The following ATXN7L1 variants were observed in gnomAD, a reference collection of about 807,000 sequenced individuals.
The protein encoded by ATXN7L1 is ataxin-7-like protein 1.
ATXN7L1 carries 15 observed loss-of-function variants against 70.8 expected under a neutral mutation model. The observed-to-expected ratio is 0.21, with a 90% CI of 0.14 to 0.33. ATXN7L1 has a LOEUF of 0.33. Among genes scored for constraint, ATXN7L1 ranks in the 10% least tolerant of loss-of-function variants. ATXN7L1 has a pLI of 1.00. For synonymous variants in ATXN7L1, 440 were observed against 445.1 expected (o/e 0.99, Z 0.14); for missense variants, 975 against 1,097.1 (o/e 0.89, Z 1.57).
At chr7:105,867,255 C>A (rs951461220) in intron 2 of ATXN7L1, among the ~76,000 whole-genome samples, 1 of 152,164 alleles carries the variant, frequency 6.6e-6, no homozygotes, top group African/African-American at 2.4e-5. Flanking sequence ...CTTTGCTTTC[C>A]GTCATGTGCA....
intron 4 of ATXN7L1, among the ~76,000 whole-genome samples, chr7:105,646,904 A>G (rs1024560622): frequency 6.6e-6 from 1 of 152,086 alleles, no homozygotes; most frequent in Non-Finnish European, 1.5e-5. Flanking sequence ...GGATTGTGCC[A>G]CTGTACTCCA....
intron 3 of ATXN7L1, chr7:105,761,600 C>T (rs773752075): frequency 5.0e-4 from 539 of 1,075,840 alleles, no homozygotes; most frequent in Non-Finnish European, 6.5e-4. Context: ...TTAAATGCGT[C>T]TTCATGATCT....
At chr7:105,762,773 G>A (rs1171970173) in intron 3 of ATXN7L1, among the ~76,000 whole-genome samples, 1 of 152,188 alleles carries the variant, frequency 6.6e-6, no homozygotes, top group Non-Finnish European at 1.5e-5. Flanking sequence ...GATTTCTAAT[G>A]AACAGAATAG....
intron 5 of ATXN7L1, among the ~76,000 whole-genome samples, chr7:105,641,762 C>A (rs1798295252): frequency 6.6e-6 from 1 of 152,264 alleles, no homozygotes; most frequent in African/African-American, 2.4e-5. Flanking sequence ...ACCTTTCTTT[C>A]TTGACAGTGG....
intron 5 of ATXN7L1, among the ~76,000 whole-genome samples, chr7:105,640,028 C>G (rs974622484): frequency 3.6e-4 from 55 of 152,218 alleles, no homozygotes; most frequent in Non-Finnish European, 1.6e-4. Context: ...GACACCCTGA[C>G]TCCAGCTCCT....
chr7:105,727,926 G>A (rs1414722749), intron 3 of ATXN7L1, among the ~76,000 whole-genome samples: 1 of 150,692 alleles, frequency 6.6e-6, no homozygotes, highest in African/African-American at 2.4e-5. Flanking sequence ...TATGTTTAGG[G>A]TAGGGACTGG....
chr7:105,799,469 TG>T (rs1187746658), intron 2 of ATXN7L1, among the ~76,000 whole-genome samples: 2 of 98,560 alleles, frequency 2.0e-5, no homozygotes, highest in Admixed American at 2.2e-4. Context: ...CCACGGCTGA[TG>T]GTCTTAATGG....
chr7:105,701,222 C>A (rs1792414513), intron 3 of ATXN7L1, among the ~76,000 whole-genome samples: 2 of 152,090 alleles, frequency 1.3e-5, no homozygotes, highest in Non-Finnish European at 2.9e-5. Flanking sequence ...TTGGCACATC[C>A]ATTCAATGGA....
intron 4 of ATXN7L1, among the ~76,000 whole-genome samples, chr7:105,664,465 GTATATGTATAA>G (rs1802210968): frequency 1.4e-5 from 2 of 146,210 alleles, no homozygotes; most frequent in African/African-American, 5.1e-5. Flanking sequence ...ATGTATGTGT[GTATATGTATAA>G]TATATGTATA....
At chr7:105,794,307 A>G (rs1805683617) in intron 2 of ATXN7L1, among the ~76,000 whole-genome samples, 1 of 152,170 alleles carries the variant, frequency 6.6e-6, no homozygotes, top group South Asian at 2.1e-4. Flanking sequence ...CATTAATGCC[A>G]TTATGCTGCA....
chr7:105,750,499 T>G (rs145106023), intron 3 of ATXN7L1, among the ~76,000 whole-genome samples: 1 of 151,860 alleles, frequency 6.6e-6, no homozygotes, highest in Non-Finnish European at 1.5e-5. Flanking sequence ...GGTTTTGAAC[T>G]CCCTCCTTGG....
intron 3 of ATXN7L1, among the ~76,000 whole-genome samples, chr7:105,745,566 G>T (rs1798493489): frequency 6.6e-6 from 1 of 152,188 alleles, no homozygotes; most frequent in Non-Finnish European, 1.5e-5. Context: ...CACGGCTGTT[G>T]TCACCCAGCT....
intron 5 of ATXN7L1, among the ~76,000 whole-genome samples, chr7:105,641,212 C>G (rs866035671): frequency 3.1e-5 from 2 of 64,022 alleles, no homozygotes; most frequent in Non-Finnish European, 6.5e-5. Flanking sequence ...CTCTCTCTCT[C>G]TCTTTTTTTT....
intron 11 of ATXN7L1, among the ~76,000 whole-genome samples, chr7:105,609,400 C>G (rs1050303305): frequency 6.6e-6 from 1 of 152,172 alleles, no homozygotes. Context: ...AACTCCTGAC[C>G]TCGTGATCTG....
chr7:105,678,090 T>TA, intron 3 of ATXN7L1: 11 of 720,548 alleles, frequency 1.5e-5, no homozygotes, highest in African/African-American at 1.9e-5. Flanking sequence ...TACAGACACA[T>TA]ACTTTTTTTT....
intron 10 of ATXN7L1, among the ~76,000 whole-genome samples, chr7:105,612,582 C>A (rs539194003): frequency 6.6e-6 from 1 of 152,262 alleles, no homozygotes; most frequent in African/African-American, 2.4e-5. Flanking sequence ...AGCAGTTTAG[C>A]CTCCAGGGAG....
intron 3 of ATXN7L1, chr7:105,678,999 C>A (rs147457549): frequency 1.1e-6 from 1 of 891,376 alleles, no homozygotes; most frequent in Non-Finnish European, 1.3e-6. Flanking sequence ...CCGTGACCTG[C>A]GCCCAGCCCC....
chr7:105,738,273 C>T (rs1187182166), intron 3 of ATXN7L1, among the ~76,000 whole-genome samples: 1 of 152,206 alleles, frequency 6.6e-6, no homozygotes, highest in African/African-American at 2.4e-5. Flanking sequence ...AGCACTACTG[C>T]TGTGTCAGTT....
In ATXN7L1 at chr7:105,695,615, G is replaced by A. The variant is rs145180866; in HGVS notation, c.356-30327C>T. On this transcript the variant is annotated intron_variant, in intron 3 of 11. Transcript: ENST00000419735. ...CTGACAGCTGTACATTATGAAGCTTGTATATCCACGGTGCACCACTGCACA... is the reference window on the plus strand; with the variant it reads ...CTGACAGCTGTACATTATGAAGCTTATATATCCACGGTGCACCACTGCACA... Among the ~76,000 whole-genome samples, 1,002 of 152,326 alleles carry A rather than the reference G, an allele frequency of 6.6e-3. 10 individuals are homozygous for A. Among genetic ancestry groups the A allele is most frequent in the African/African-American group, 0.023 (963 of 41,566 alleles).
Sources: allele counts gnomAD v4.1 joint callset (sites outside exome capture counted in the v4.1 genomes callset), GRCh38; gene constraint gnomAD v4.1.1; transcripts MANE v1.5; gene names NCBI Gene and HGNC (gene_info 2026-07-23, HGNC 2026-07-21).